The following CYP19A1 variants were observed in gnomAD, a reference collection of about 807,000 sequenced individuals.
CYP19A1 encodes aromatase.
CYP19A1 carries 32 observed loss-of-function variants against 44.4 expected under a neutral mutation model. That is an observed-to-expected ratio of 0.72 (90% CI 0.54 to 0.97). CYP19A1 has a LOEUF of 0.97. Ranked by LOEUF, CYP19A1 falls within the 50% of genes least tolerant of loss-of-function variation. CYP19A1 has a pLI of 0.00. For synonymous variants in CYP19A1, 212 were observed against 215.6 expected (o/e 0.98, Z 0.14); for missense variants, 598 against 637.8 (o/e 0.94, Z 0.67).
intron 1 of CYP19A1, among the ~76,000 whole-genome samples, chr15:51,315,158 G>A (rs955209539): frequency 1.3e-5 from 2 of 151,962 alleles, no homozygotes; most frequent in Admixed American, 6.6e-5. Context: ...CTTCACTTAC[G>A]GGCCCCTGCC....
At chr15:51,282,264 G>T (rs1239563725) in intron 1 of CYP19A1, among the ~76,000 whole-genome samples, 3 of 152,172 alleles carry the variant, frequency 2.0e-5, no homozygotes, top group South Asian at 4.2e-4. Flanking sequence ...CTGAGTGTTG[G>T]GAAAAAAAGC....
intron 1 of CYP19A1, among the ~76,000 whole-genome samples, chr15:51,285,563 A>G (rs1455476959): frequency 2.0e-5 from 3 of 152,230 alleles, no homozygotes; most frequent in East Asian, 1.9e-4. Context: ...GGCTCGGCGC[A>G]TAAAACCCCT....
chr15:51,257,494 G>A (rs2034558231), intron 1 of CYP19A1, among the ~76,000 whole-genome samples: 1 of 152,184 alleles, frequency 6.6e-6, no homozygotes, highest in African/African-American at 2.4e-5. Flanking sequence ...ACAACCTCGA[G>A]GGCCCAGACC....
At chr15:51,332,863 T>C (rs2036722901) in intron 1 of CYP19A1, among the ~76,000 whole-genome samples, 1 of 152,242 alleles carries the variant, frequency 6.6e-6, no homozygotes, top group Non-Finnish European at 1.5e-5. Context: ...AAGTCACTTG[T>C]ACTTTCTTTC....
rs116712458 is a variant in CYP19A1 at position 51,283,198 on chromosome 15, C to T, written c.-38-40248G>A. On this transcript the variant is annotated intron_variant, in intron 1 of 9. Transcript: ENST00000396402. ...GATTCTGAATGTGAGGAACAGAAAC[C>T]GGAGGAAATTAAAGAAAGGGAAACT... 4.6e-3 allele frequency among the ~76,000 whole-genome samples: 695 copies of T among 150,262 alleles called. 9 individuals are homozygous for T. The highest frequency in any genetic ancestry group is 0.016 in the African/African-American group (670 of 40,658).
rs2032711311 is a variant in CYP19A1, at chr15:51,227,770, C to T, written c.451+9G>A. The stretch of plus-strand genomic sequence containing the variant: ...AAAAAAGATTGTAGCTAACTAAGTA[C>T]CTGCTTACCTTTCATAAAGAAGGGT... On this transcript the variant is annotated intron_variant, in intron 4 of 9. Coordinates refer to ENST00000396402, the MANE Select transcript of CYP19A1 (RefSeq NM_000103.4). The T allele has an allele frequency of 3.0e-6, 4 of 1,345,982 alleles. No individual in the cohort carries two copies. The African/African-American group carries it at 4.3e-5, about 15-fold the overall frequency. The allele number at this position is 1,345,982 out of a possible 1,614,324, so 83.4% of individuals were successfully genotyped here.
Position 51,215,138 on chromosome 15 carries a change from A to G in CYP19A1, c.953T>C (p.Met318Thr), listed in dbSNP as rs143839949. 1.5e-4 allele frequency: 247 copies of G among 1,614,002 alleles called. No individual in the cohort carries two copies. The highest frequency in any genetic ancestry group is 2.0e-4 in the Non-Finnish European group (232 of 1,180,010). Residue 318 changes from methionine to threonine, a missense_variant, in exon 8 of 10, where the codon ATG (methionine) becomes ACG (threonine). Transcript: ENST00000396402. Reference sequence around the variant, plus strand: ...AGGGTGCTTTGCAATGAGAAATAGCATGAAGAACAAAGAGACAGACATGGT... The same window carrying G: ...AGGGTGCTTTGCAATGAGAAATAGCGTGAAGAACAAAGAGACAGACATGGT... The part of the protein sequence containing the change: ...PDTMSVSLFF[M>T]LFLIAKHPNV...
intron 3 of CYP19A1, among the ~76,000 whole-genome samples, chr15:51,232,025 A>C (rs74013174): frequency 0.14 from 21,755 of 151,988 alleles, 2,672 homozygotes; most frequent in African/African-American, 0.32. Flanking sequence ...TTTCCTCCAT[A>C]ACTGACCAGT....
At chr15:51,211,319 T>C (rs1371178136) in intron 9 of CYP19A1, among the ~76,000 whole-genome samples, 1 of 152,192 alleles carries the variant, frequency 6.6e-6, no homozygotes, top group Non-Finnish European at 1.5e-5. Context: ...AAACCAAATC[T>C]TATTACAGCA....
chr15:51,211,218 T>A (rs1298182067), intron 9 of CYP19A1, among the ~76,000 whole-genome samples, 162 bp from the exon 10 acceptor site: 4 of 152,182 alleles, frequency 2.6e-5, no homozygotes, highest in Admixed American at 1.3e-4. Flanking sequence ...CTCAAGCCCT[T>A]TCTATGTCCT....
intron 1 of CYP19A1, among the ~76,000 whole-genome samples, chr15:51,309,652 A>G (rs59067211): frequency 0.035 from 5,262 of 152,240 alleles, 241 homozygotes; most frequent in East Asian, 0.14. Context: ...AATTTTATAT[A>G]CTGTTTTTTA....
At chr15:51,221,573 G>T (rs1048618938) in intron 5 of CYP19A1, 7 of 152,262 alleles carry the variant, frequency 4.6e-5, no homozygotes, top group African/African-American at 1.7e-4. Flanking sequence ...AATGACTTTT[G>T]CACAATGGCA....
At chr15:51,317,946 A>G (rs944116061) in intron 1 of CYP19A1, among the ~76,000 whole-genome samples, 3 of 152,128 alleles carry the variant, frequency 2.0e-5, no homozygotes, top group Admixed American at 2.0e-4. Context: ...AAGATTTCAC[A>G]CTTTGACACA....
chr15:51,284,661 A>G (rs2035638476), intron 1 of CYP19A1, among the ~76,000 whole-genome samples: 1 of 152,254 alleles, frequency 6.6e-6, no homozygotes, highest in African/African-American at 2.4e-5. Context: ...CTTTATTAAC[A>G]TTAAAATTTT....
chr15:51,308,064 G>A lies in CYP19A1; in HGVS notation c.-39+30431C>T, dbSNP rs527994853. On this transcript the variant is annotated intron_variant, in intron 1 of 9. Transcript: ENST00000396402. Reference sequence around the variant, plus strand: ...GAGGGCATGAGGAGGTGGGAGTAAAGGAGCCAGAAAGGGAAGGTAGGAGAC... The same window carrying A: ...GAGGGCATGAGGAGGTGGGAGTAAAAGAGCCAGAAAGGGAAGGTAGGAGAC... Among the ~76,000 whole-genome samples the A allele has an allele frequency of 2.6e-5, 4 of 152,318 alleles. No individual in the cohort carries two copies. In the South Asian group the frequency reaches 8.3e-4, roughly 32 times the overall value.
chr15:51,258,186 T>C (rs149632851), intron 1 of CYP19A1, among the ~76,000 whole-genome samples: 1 of 152,294 alleles, frequency 6.6e-6, no homozygotes, highest in East Asian at 1.9e-4. Flanking sequence ...ATTATATTTA[T>C]ACCCTACCTA....
At chr15:51,299,109 C>T (rs558255195) in intron 1 of CYP19A1, among the ~76,000 whole-genome samples, 3 of 152,224 alleles carry the variant, frequency 2.0e-5, no homozygotes, top group Non-Finnish European at 2.9e-5. Flanking sequence ...CCCTTCCTTC[C>T]GAGGTCCTGT....
chr15:51,237,317 T>C lies in CYP19A1; in HGVS notation c.146-308A>G, dbSNP rs553569333. Among the ~76,000 whole-genome samples, 9 of 152,352 alleles carry C rather than the reference T, an allele frequency of 5.9e-5. No homozygotes were observed. In the South Asian group the frequency reaches 1.2e-3, roughly 21 times the overall value. On this transcript the variant is annotated intron_variant, in intron 2 of 9. Coordinates refer to ENST00000396402, the MANE Select transcript of CYP19A1 (RefSeq NM_000103.4). ...TGTGCTAATTTCTTCCCAGGTTAAC[T>C]GGTATCAGTGAGTTTCTAATACAAG...
chr15:51,231,728 T>G (rs1412728530), intron 3 of CYP19A1, among the ~76,000 whole-genome samples: 2 of 152,048 alleles, frequency 1.3e-5, no homozygotes, highest in African/African-American at 4.8e-5. Context: ...TGCTACTGCA[T>G]GTCCCCAGCC....
Sources: allele counts gnomAD v4.1 joint callset (sites outside exome capture counted in the v4.1 genomes callset), GRCh38; gene constraint gnomAD v4.1.1; transcripts MANE v1.5; gene names NCBI Gene and HGNC (gene_info 2026-07-23, HGNC 2026-07-21).